The following IGF1R variants were observed in gnomAD, a reference collection of about 807,000 sequenced individuals.
IGF1R encodes insulin like growth factor 1 receptor.
A neutral mutation model predicts 144.6 loss-of-function variants in IGF1R; 44 were observed. The observed-to-expected ratio is 0.30, with a 90% CI of 0.24 to 0.39. The LOEUF is 0.39. Among genes scored for constraint, IGF1R ranks in the 10% least tolerant of loss-of-function variants. IGF1R has a pLI of 1.00. For missense variants in IGF1R, 1,355 were observed against 1,833.7 expected (o/e 0.74, Z 4.77); for synonymous variants, 795 against 722.8 (o/e 1.10, Z -1.60).
chr15:98,859,079 GAAA>G (rs201512808), intron 2 of IGF1R, among the ~76,000 whole-genome samples: 1 of 133,798 alleles, frequency 7.5e-6, no homozygotes, highest in Non-Finnish European at 1.6e-5. Context: ...CATAATGGAG[GAAA>G]AAAAAAAAAA....
intron 2 of IGF1R, among the ~76,000 whole-genome samples, chr15:98,817,338 A>G (rs987870156): frequency 6.6e-6 from 1 of 150,542 alleles, no homozygotes; most frequent in Admixed American, 6.6e-5. Context: ...TAATAATAAT[A>G]ATAGTAAGAA....
At chr15:98,661,310 C>T (rs927948891) in intron 1 of IGF1R, among the ~76,000 whole-genome samples, 4 of 152,090 alleles carry the variant, frequency 2.6e-5, no homozygotes, top group African/African-American at 9.7e-5. Flanking sequence ...CCTGGTAGGG[C>T]GACGGTGAGG....
chr15:98,772,897 G>A (rs1406424734), intron 2 of IGF1R, among the ~76,000 whole-genome samples: 1 of 152,066 alleles, frequency 6.6e-6, no homozygotes, highest in African/African-American at 2.4e-5. Flanking sequence ...AGGGTAAGTG[G>A]TTAGAATCAT....
At chr15:98,667,674 G>C (rs1188761610) in intron 1 of IGF1R, among the ~76,000 whole-genome samples, 4 of 152,158 alleles carry the variant, frequency 2.6e-5, no homozygotes, top group African/African-American at 9.7e-5. Context: ...AGGTGGCCGA[G>C]CTTGTCTGGC....
chr15:98,934,446 T>G (rs1478831022), intron 15 of IGF1R, among the ~76,000 whole-genome samples: 2 of 152,238 alleles, frequency 1.3e-5, no homozygotes, highest in Non-Finnish European at 2.9e-5. Context: ...GACCATTTCA[T>G]TCAGTTTCTC....
chr15:98,667,491 ACG>A (rs1276247705), intron 1 of IGF1R, among the ~76,000 whole-genome samples: 2 of 152,190 alleles, frequency 1.3e-5, no homozygotes, highest in Non-Finnish European at 2.9e-5. Context: ...GCTTGGAGGG[ACG>A]CGCTGCTAGA....
intron 20 of IGF1R, chr15:98,952,904 A>G (rs2016833721): frequency 6.6e-6 from 1 of 152,182 alleles, no homozygotes; most frequent in Non-Finnish European, 1.5e-5. Flanking sequence ...CCCTTCCAAG[A>G]AAAGAGTAGA....
At chr15:98,818,151 C>T (rs1011941996) in intron 2 of IGF1R, among the ~76,000 whole-genome samples, 1 of 152,116 alleles carries the variant, frequency 6.6e-6, no homozygotes, top group Admixed American at 6.6e-5. Flanking sequence ...CCTTAACAGC[C>T]CTACCTTCAA....
chr15:98,888,509 T>C (rs1596399605), intron 2 of IGF1R, among the ~76,000 whole-genome samples: 2 of 151,906 alleles, frequency 1.3e-5, no homozygotes, highest in African/African-American at 4.8e-5. Flanking sequence ...ATTTGTGTTA[T>C]CCTCTTCAAG....
rs2017162854 is a variant in IGF1R, at chr15:98,960,025, T to C, written c.*2583T>C. On this transcript the variant is annotated 3_prime_UTR_variant, in exon 21 of 21. Coordinates refer to ENST00000650285, the MANE Select transcript of IGF1R (RefSeq NM_000875.5). The stretch of plus-strand genomic sequence containing the variant: ...GTGTGTGAGAGTGATGGGACAGTTC[T>C]TGATTTTTTGGGTTTTTTTTCCCCC... 4.3e-6 allele frequency: 1 copy of C among 233,372 alleles called. No homozygotes were observed. The highest frequency in any genetic ancestry group is 5.6e-5 in the Admixed American group (1 of 17,778). The allele number at this position is 233,372 out of a possible 1,614,324, so 14.5% of individuals were successfully genotyped here.
intron 1 of IGF1R, among the ~76,000 whole-genome samples, chr15:98,657,104 T>C (rs1245527430): frequency 6.6e-6 from 1 of 152,254 alleles, no homozygotes; most frequent in African/African-American, 2.4e-5. Context: ...GGTTAGTCTC[T>C]GTAAAGTTGG....
intron 2 of IGF1R, among the ~76,000 whole-genome samples, chr15:98,880,401 C>A (rs2013310833): frequency 2.0e-5 from 3 of 152,168 alleles, no homozygotes; most frequent in Admixed American, 2.0e-4. Flanking sequence ...TTTCTCAATA[C>A]TCTGCCCAGC....
At position 98,963,275 on chromosome 15, in the gene IGF1R, G is replaced by C. The variant is rs367737927; in HGVS notation, c.*5833G>C. On this transcript the variant is annotated 3_prime_UTR_variant, in exon 21 of 21. Transcript: ENST00000650285. ...CTAGCTTTACAATATGCCAAAAAAG[G>C]ATTTCTCCCTGACCCCATCCGTGGT... 1.3e-4 allele frequency: 30 copies of C among 229,374 alleles called. No homozygotes were observed. The highest frequency in any genetic ancestry group is 3.5e-4 in the Admixed American group (6 of 17,372). 14.2% of individuals were successfully genotyped at this position (229,374 alleles called of 1,614,324 possible). A position where few individuals can be genotyped will look rare whatever the true frequency, so the allele number is the denominator to read the frequency against.
rs547247976 is a variant in IGF1R at position 98,961,834 on chromosome 15, G to A, written c.*4392G>A. ...CCTCCTCCTTGGAAGATGGAAGACCGTGTTCGTGGCCGACCTGGCCTCTCC... is the reference window on the plus strand; with the variant it reads ...CCTCCTCCTTGGAAGATGGAAGACCATGTTCGTGGCCGACCTGGCCTCTCC... On this transcript the variant is annotated 3_prime_UTR_variant, in exon 21 of 21. Coordinates refer to ENST00000650285, the MANE Select transcript of IGF1R (RefSeq NM_000875.5). 3.1e-4 allele frequency: 72 copies of A among 233,314 alleles called. No homozygotes were observed. Among genetic ancestry groups the A allele is most frequent in the South Asian group, 1.3e-3 (7 of 5,526 alleles). The allele number at this position is 233,314 out of a possible 1,614,324, so 14.5% of individuals were successfully genotyped here.
intron 2 of IGF1R, among the ~76,000 whole-genome samples, chr15:98,770,762 T>G (rs11247371): frequency 0.92 from 139,923 of 152,070 alleles, 65,516 homozygotes; most frequent in East Asian, 1. Flanking sequence ...TCCCGCTCCC[T>G]GCCGTGTCCT....
intron 9 of IGF1R, 74 bp downstream of exon 9, chr15:98,916,205 A>G (rs2015238290): frequency 2.2e-6 from 3 of 1,386,376 alleles, no homozygotes; most frequent in Non-Finnish European, 3.1e-6. Flanking sequence ...CTGAGCCCTA[A>G]TATTACACGT....
At chr15:98,746,830 GTGT>G (rs1023498852) in intron 2 of IGF1R, among the ~76,000 whole-genome samples, 11 of 152,186 alleles carry the variant, frequency 7.2e-5, no homozygotes, top group African/African-American at 2.2e-4. Flanking sequence ...AAATGGGTGT[GTGT>G]TGTTCGTTAT....
intron 6 of IGF1R, among the ~76,000 whole-genome samples, chr15:98,910,569 G>A (rs1213663472): frequency 1.3e-5 from 2 of 152,224 alleles, no homozygotes; most frequent in Non-Finnish European, 1.5e-5. Flanking sequence ...CCATGAGGGT[G>A]GGCAGTCATC....
At chr15:98,913,406 T>A in intron 8 of IGF1R, 124 bp downstream of exon 8, 1 of 809,852 alleles carries the variant, frequency 1.2e-6, no homozygotes, top group Non-Finnish European at 2.2e-6. Flanking sequence ...TGTCAATAGG[T>A]AATACTGTGT....
Sources: gnomAD v4.1 joint callset for allele counts (sites outside exome capture counted in the v4.1 genomes callset) on GRCh38, gnomAD v4.1.1 for gene constraint, MANE v1.5 for transcripts, NCBI Gene and HGNC (gene_info 2026-07-23, HGNC 2026-07-21) for gene names.